PER2: variants seen among roughly 807,000 people sequenced by gnomAD.
PER2 encodes the protein period circadian regulator 2.
A neutral mutation model predicts 121.0 loss-of-function variants in PER2; 66 were observed. That is an observed-to-expected ratio of 0.55 (90% CI 0.45 to 0.67). The LOEUF (loss-of-function observed/expected upper bound fraction) is 0.67, where lower values mean the gene tolerates loss of function less well. Ranked by LOEUF, PER2 falls within the 30% of genes least tolerant of loss-of-function variation. PER2 has a pLI of 0.00. For synonymous variants in PER2, 684 were observed against 659.9 expected (o/e 1.04, Z -0.56); for missense variants, 1,521 against 1,635.0 (o/e 0.93, Z 1.20).
At position 238,275,837 on chromosome 2, in the gene PER2, C is replaced by T. The variant is rs756475348; in HGVS notation, c.354G>A (p.Leu118=). 2 of 1,614,228 alleles carry T rather than the reference C, an allele frequency of 1.2e-6. No homozygotes were observed. The highest frequency in any genetic ancestry group is 1.6e-4 in the Middle Eastern group (1 of 6,062). The change falls in exon 4 of 23, where the codon CTG becomes CTA. Residue 118 remains leucine, a synonymous_variant. Coordinates refer to ENST00000254657, the MANE Select transcript of PER2 (RefSeq NM_022817.3). ...HKELIKTLKE[L]KVHLPADKKA... is the part of the protein sequence containing the mutation. ...TCTTGTCTGCAGGGAGGTGGACCTT[C>T]AGCTCCTTTAGTGTTTTTATCAGTT...
At chr2:238,247,094 A>G (rs1695470148) in intron 22 of PER2, 1 of 152,834 alleles carries the variant, frequency 6.5e-6, no homozygotes, top group Non-Finnish European at 1.5e-5. Flanking sequence ...AGGTGACGCA[A>G]TGATTTTGAA....
At position 238,262,301 on chromosome 2, in the gene PER2, C is replaced by A. The variant is rs1386718240; in HGVS notation, c.1197G>T (p.Arg399=). 2 of 1,613,966 alleles carry A rather than the reference C, an allele frequency of 1.2e-6. No homozygotes were observed. The highest frequency in any genetic ancestry group is 1.7e-6 in the Non-Finnish European group (2 of 1,179,966). ...GGQPFDYSPI[R]FRARNGEYIT... is the part of the protein sequence containing the mutation. The stretch of plus-strand genomic sequence containing the variant: ...TGTACTCTCCGTTCCGGGCGCGAAA[C>A]CGAATGGGAGAATAGTCGAAAGGCT... The change falls in exon 11 of 23, where the codon CGG becomes CGT. Residue 399 remains arginine, a synonymous_variant. Transcript: ENST00000254657.
chr2:238,258,758 TTCA>T (rs946597277), intron 14 of PER2, 114 bp from the exon 15 acceptor site: 34 of 1,060,404 alleles, frequency 3.2e-5, no homozygotes, highest in Non-Finnish European at 4.0e-5. Context: ...CAGAATCTGC[TTCA>T]TGAGTATGGA....
intron 22 of PER2, among the ~76,000 whole-genome samples, chr2:238,247,983 C>A (rs903439637): frequency 6.6e-6 from 1 of 152,224 alleles, no homozygotes; most frequent in African/African-American, 2.4e-5. Context: ...TGATGGGCTT[C>A]ATCTACCTTC....
At chr2:238,247,145 G>T (rs1355741305) in intron 22 of PER2, 1 of 152,430 alleles carries the variant, frequency 6.6e-6, no homozygotes, top group East Asian at 1.9e-4. Flanking sequence ...CAAAAGGTGG[G>T]GCCTAATTCC....
At chr2:238,263,980 A>AG (rs926383397) in intron 9 of PER2, among the ~76,000 whole-genome samples, 1 of 130,716 alleles carries the variant, frequency 7.7e-6, no homozygotes, top group African/African-American at 2.8e-5. Context: ...AAGGAAAAAG[A>AG]GGGGGAGGAG....
the PER2 span, among the ~76,000 whole-genome samples, chr2:238,297,950 G>T: frequency 6.6e-6 from 1 of 152,144 alleles, no homozygotes; most frequent in Non-Finnish European, 1.5e-5. Flanking sequence ...AGCCAGCATG[G>T]GGATGCCTCA....
chr2:238,265,444 G>A, intron 9 of PER2, 68 bp downstream of exon 9: 1 of 938,940 alleles, frequency 1.1e-6, no homozygotes, highest in Non-Finnish European at 1.8e-6. Context: ...CCAAGATGCA[G>A]TCTTGGCTTT....
the PER2 span, among the ~76,000 whole-genome samples, chr2:238,297,938 G>T: frequency 6.6e-6 from 1 of 152,146 alleles, no homozygotes; most frequent in Non-Finnish European, 1.5e-5. Context: ...TCAGGAAGCA[G>T]CAGCCAGCAT....
intron 16 of PER2, among the ~76,000 whole-genome samples, chr2:238,257,766 G>A (rs1394872893): frequency 6.6e-6 from 1 of 152,236 alleles, no homozygotes; most frequent in Non-Finnish European, 1.5e-5. Flanking sequence ...GAGCCACCGC[G>A]CCCAGCCGGG....
chr2:238,271,167 C>G, intron 6 of PER2, 145 bp downstream of exon 6: 1 of 766,448 alleles, frequency 1.3e-6, no homozygotes, highest in Non-Finnish European at 2.4e-6. Context: ...TTATCCTTTA[C>G]CTTTGCCAGA....
intron 8 of PER2, 103 bp downstream of exon 8, chr2:238,267,953 C>T: frequency 7.5e-7 from 1 of 1,338,550 alleles, no homozygotes; most frequent in Non-Finnish European, 1.1e-6. Context: ...GGCTGGGGAA[C>T]TGCAGCGGGG....
intron 14 of PER2, among the ~76,000 whole-genome samples, chr2:238,259,587 A>G (rs182882110): frequency 3.8e-4 from 58 of 152,346 alleles, no homozygotes; most frequent in Admixed American, 1.8e-3. Context: ...TTGCAAGTGT[A>G]AACACACAGC....
In PER2 at chr2:238,273,207, T is replaced by G. The variant is rs1292895056; in HGVS notation, c.449-16A>C. 1 of 1,610,708 alleles carries G rather than the reference T, an allele frequency of 6.2e-7. No individual in the cohort carries two copies. Among genetic ancestry groups the G allele is most frequent in the Non-Finnish European group, 8.5e-7 (1 of 1,178,940 alleles). On this transcript the variant is annotated splice_polypyrimidine_tract_variant and intron_variant, in intron 4 of 22. Coordinates refer to ENST00000254657, the MANE Select transcript of PER2 (RefSeq NM_022817.3). The stretch of plus-strand genomic sequence containing the variant: ...TCTTCATTGGCTGCAGGAGAGACAG[T>G]GTTCACTCAGTGGGCAGAACCCAGC...
At chr2:238,284,816 A>C (rs1356759790) in intron 1 of PER2, among the ~76,000 whole-genome samples, 4 of 152,260 alleles carry the variant, frequency 2.6e-5, no homozygotes, top group Non-Finnish European at 5.9e-5. Context: ...AAATTATCAG[A>C]AACTTCGTCA....
intron 19 of PER2, 131 bp from the exon 20 acceptor site, chr2:238,251,892 G>A (rs1168669928): frequency 3.9e-6 from 3 of 775,576 alleles, no homozygotes; most frequent in African/African-American, 1.7e-5. Flanking sequence ...CAAGGTTCAC[G>A]GCCAGGGACG....
intron 1 of PER2, among the ~76,000 whole-genome samples, chr2:238,278,853 C>T (rs931537924): frequency 1.3e-5 from 2 of 152,152 alleles, no homozygotes; most frequent in African/African-American, 4.8e-5. Flanking sequence ...TGTGGCTTCA[C>T]ATTTACTGGG....
At chr2:238,278,100 C>CTCTCTCTCTT (rs1696514442) in intron 1 of PER2, 145 bp from the exon 2 acceptor site, 2 of 948,972 alleles carry the variant, frequency 2.1e-6, no homozygotes, top group African/African-American at 1.6e-5. Context: ...CTCTCTCTCT[C>CTCTCTCTCTT]TCTTTCTTTC....
At chr2:238,277,255 C>T in intron 2 of PER2, 62 bp from the exon 3 acceptor site, 1 of 1,071,092 alleles carries the variant, frequency 9.3e-7, no homozygotes, top group South Asian at 1.2e-5. Context: ...ACATCTTCCC[C>T]TGCCATCCTA....
Sources: gnomAD v4.1 joint callset for allele counts (sites outside exome capture counted in the v4.1 genomes callset) on GRCh38, gnomAD v4.1.1 for gene constraint, MANE v1.5 for transcripts, NCBI Gene and HGNC (gene_info 2026-07-23, HGNC 2026-07-21) for gene names.